PALM2AKAP2: variants seen among roughly 807,000 people sequenced by gnomAD.
PALM2AKAP2 encodes the protein PALM2-AKAP2 fusion protein.
Under a neutral mutation model 71.5 loss-of-function variants are expected in PALM2AKAP2, and 37 were observed. The ratio of observed to expected loss-of-function variants is 0.52; its 90% confidence interval spans 0.40 to 0.68. PALM2AKAP2 has a LOEUF of 0.68. Ranked by LOEUF, PALM2AKAP2 falls within the 30% of genes least tolerant of loss-of-function variation. PALM2AKAP2 has a pLI of 0.00. For synonymous variants in PALM2AKAP2, 468 were observed against 478.8 expected (o/e 0.98, Z 0.29); for missense variants, 1,224 against 1,191.8 (o/e 1.03, Z -0.40).
intron 7 of PALM2AKAP2, among the ~76,000 whole-genome samples, chr9:110,031,680 G>A (rs937774595): frequency 1.3e-5 from 2 of 152,102 alleles, no homozygotes; most frequent in African/African-American, 2.4e-5. Flanking sequence ...CACAGACAAG[G>A]AGTGCTGGAG....
intron 3 of PALM2AKAP2, among the ~76,000 whole-genome samples, chr9:109,903,205 G>T (rs1310191387): frequency 1.3e-5 from 2 of 152,000 alleles, no homozygotes; most frequent in African/African-American, 4.8e-5. Flanking sequence ...TGCTGTGCGG[G>T]GTCTTGCTGC....
chr9:110,082,536 T>C (rs1834473581), intron 1 of PALM2AKAP2, among the ~76,000 whole-genome samples: 1 of 152,240 alleles, frequency 6.6e-6, no homozygotes. Context: ...TTAGAACTGC[T>C]GATCTGGCCT....
chr9:110,136,879 G>A, exon 2 of PALM2AKAP2: 2 of 1,614,204 alleles, frequency 1.2e-6, no homozygotes, highest in Non-Finnish European at 1.7e-6. Context: ...CTTCAGAGGA[G>A]ATGCTGGAGC....
intron 1 of PALM2AKAP2, among the ~76,000 whole-genome samples, chr9:109,793,341 AAG>A (rs761965067): frequency 6.6e-6 from 1 of 152,226 alleles, no homozygotes; most frequent in Non-Finnish European, 1.5e-5. Flanking sequence ...AGACTAAACA[AAG>A]AGATTGCTCA....
intron 1 of PALM2AKAP2, among the ~76,000 whole-genome samples, chr9:110,103,990 G>A (rs1835058029): frequency 6.6e-6 from 1 of 152,158 alleles, no homozygotes; most frequent in East Asian, 1.9e-4. Context: ...AACATTTCAG[G>A]TTTGAGTGTC....
intron 6 of PALM2AKAP2, among the ~76,000 whole-genome samples, chr9:109,965,014 T>C (rs1030815021): frequency 6.6e-6 from 1 of 152,206 alleles, no homozygotes; most frequent in Non-Finnish European, 1.5e-5. Context: ...AGATAACACA[T>C]AGAACCTTGA....
chr9:109,919,940 G>A (rs546935656), intron 3 of PALM2AKAP2, among the ~76,000 whole-genome samples: 1 of 152,248 alleles, frequency 6.6e-6, no homozygotes, highest in Admixed American at 6.5e-5. Context: ...GCTTAGCTGA[G>A]TGGCTCTAAT....
intron 7 of PALM2AKAP2, among the ~76,000 whole-genome samples, chr9:110,018,314 A>C (rs1564263042): frequency 6.6e-6 from 1 of 152,136 alleles, no homozygotes. Context: ...TAAATAGTTG[A>C]GCAAAATAGA....
intron 6 of PALM2AKAP2, among the ~76,000 whole-genome samples, chr9:109,974,524 G>C (rs1396710449): frequency 6.6e-6 from 1 of 152,044 alleles, no homozygotes; most frequent in African/African-American, 2.4e-5. Flanking sequence ...GATTTGATCT[G>C]ATTTTGAATC....
intron 1 of PALM2AKAP2, among the ~76,000 whole-genome samples, chr9:110,053,421 G>C (rs1243666790): frequency 1.3e-5 from 2 of 150,918 alleles, no homozygotes; most frequent in Non-Finnish European, 2.9e-5. Flanking sequence ...CCAGCTACTC[G>C]AGAGGCTGAG....
At chr9:109,940,271 T>A (rs1204707168) in intron 6 of PALM2AKAP2, among the ~76,000 whole-genome samples, 2 of 152,188 alleles carry the variant, frequency 1.3e-5, no homozygotes, top group African/African-American at 2.4e-5. Flanking sequence ...CCACAGATAA[T>A]TATACAACTG....
intron 6 of PALM2AKAP2, among the ~76,000 whole-genome samples, chr9:109,958,504 G>A (rs1243618994): frequency 2.0e-5 from 3 of 152,074 alleles, no homozygotes; most frequent in African/African-American, 4.8e-5. Context: ...ATGAGACAAC[G>A]TGATTGTGGG....
intron 7 of PALM2AKAP2, among the ~76,000 whole-genome samples, chr9:110,019,947 A>C (rs1380576427): frequency 6.6e-6 from 1 of 152,202 alleles, no homozygotes; most frequent in Non-Finnish European, 1.5e-5. Flanking sequence ...ATAATAAAAA[A>C]ATTAAAATTA....
intron 1 of PALM2AKAP2, among the ~76,000 whole-genome samples, chr9:110,093,051 A>G (rs1237410232): frequency 6.6e-6 from 1 of 152,174 alleles, no homozygotes; most frequent in Non-Finnish European, 1.5e-5. Flanking sequence ...GAAGGTAGAG[A>G]GTGGCAGAAG....
At chr9:109,933,089 A>T (rs1831144068) in intron 6 of PALM2AKAP2, among the ~76,000 whole-genome samples, 1 of 152,220 alleles carries the variant, frequency 6.6e-6, no homozygotes, top group Non-Finnish European at 1.5e-5. Flanking sequence ...ATCTTAGCAG[A>T]TTACTTTTAT....
At chr9:109,731,468 C>T (rs745749791) in intron 1 of PALM2AKAP2, among the ~76,000 whole-genome samples, 5 of 152,126 alleles carry the variant, frequency 3.3e-5, no homozygotes, top group Non-Finnish European at 5.9e-5. Context: ...AACACAATCA[C>T]CTTTTGAATC....
upstream of PALM2AKAP2, among the ~76,000 whole-genome samples, chr9:109,779,643 T>C (rs1046433706): frequency 1.3e-5 from 2 of 152,230 alleles, no homozygotes; most frequent in Non-Finnish European, 2.9e-5. Flanking sequence ...CGGCTTCTTT[T>C]AAGGCCACAT....
At chr9:109,662,595 C>T (rs906329507) in intron 1 of PALM2AKAP2, among the ~76,000 whole-genome samples, 10 of 151,658 alleles carry the variant, frequency 6.6e-5, no homozygotes, top group Non-Finnish European at 1.3e-4. Flanking sequence ...ATTTTTGCAT[C>T]GATGTTCATC....
chr9:110,068,672 C>T (rs1257508334), intron 1 of PALM2AKAP2, among the ~76,000 whole-genome samples: 1 of 152,114 alleles, frequency 6.6e-6, no homozygotes, highest in African/African-American at 2.4e-5. Flanking sequence ...GCTGAGACCA[C>T]AGGTGTGCGC....
Sources: allele counts gnomAD v4.1 joint callset (sites outside exome capture counted in the v4.1 genomes callset), GRCh38; gene constraint gnomAD v4.1.1; transcripts MANE v1.5; gene names NCBI Gene and HGNC (gene_info 2026-07-23, HGNC 2026-07-21).